Variants in RBFOX1 observed in about 807,000 individuals in gnomAD.
RBFOX1 encodes RNA binding fox-1 homolog 1, also known as RNA binding protein fox-1 homolog 1.
In RBFOX1, 8 loss-of-function variants were observed where a neutral mutation model predicts 57.7. The ratio of observed to expected loss-of-function variants is 0.14; its 90% confidence interval spans 0.08 to 0.25. The LOEUF is 0.25. Ranked by LOEUF, RBFOX1 falls within the 10% of genes least tolerant of loss-of-function variation. The probability of loss-of-function intolerance (pLI) is 1.00; values close to 1 mark genes in which losing one functional copy is unlikely to be tolerated. For synonymous variants in RBFOX1, 326 were observed against 222.4 expected (o/e 1.47, Z -4.15); for missense variants, 611 against 548.5 (o/e 1.11, Z -1.14).
rs569970880 is a variant in RBFOX1 at position 6,595,550 on chromosome 16, T to C, written c.-63-59053T>C. Among the ~76,000 whole-genome samples the C allele has an allele frequency of 2.6e-5, 4 of 152,266 alleles. No individual in the cohort carries two copies. In the South Asian group the frequency reaches 8.3e-4, roughly 32 times the overall value. ...GTACAAGTTTTTCTGTGTACTTACG[T>C]TTTTATTTCTCTTGGATATATACCT... On this transcript the variant is annotated intron_variant, in intron 2 of 15. Coordinates refer to ENST00000550418, the MANE Select transcript of RBFOX1 (RefSeq NM_018723.4).
chr16:7,589,912 GGTGTGTGT>G (rs3029164), intron 7 of RBFOX1, among the ~76,000 whole-genome samples: 2,159 of 135,042 alleles, frequency 0.016, 24 homozygotes, highest in African/African-American at 0.027. Context: ...GTGTGTGCTG[GGTGTGTGT>G]GTGTGTGTGT....
At chr16:7,368,484 A>T (rs932464287) in intron 4 of RBFOX1, among the ~76,000 whole-genome samples, 2 of 151,124 alleles carry the variant, frequency 1.3e-5, no homozygotes, top group Non-Finnish European at 3.0e-5. Flanking sequence ...AATTCACTTT[A>T]AAAAAAAATT....
intron 2 of RBFOX1, among the ~76,000 whole-genome samples, chr16:6,603,834 G>A (rs960443331): frequency 6.6e-6 from 1 of 152,100 alleles, no homozygotes; most frequent in Non-Finnish European, 1.5e-5. Flanking sequence ...TATAGACATA[G>A]ACAGTTGTCC....
At chr16:5,387,014 G>A (rs1047460699) in intron 1 of RBFOX1, among the ~76,000 whole-genome samples, 15 of 152,192 alleles carry the variant, frequency 9.9e-5, no homozygotes, top group African/African-American at 3.6e-4. Flanking sequence ...TTGTGCCATT[G>A]CACTCCAGCC....
At chr16:5,299,883 A>T (rs1407241999) in intron 1 of RBFOX1, among the ~76,000 whole-genome samples, 1 of 152,102 alleles carries the variant, frequency 6.6e-6, no homozygotes, top group Non-Finnish European at 1.5e-5. Flanking sequence ...TTAAGGGAAA[A>T]ACATTGTTTT....
chr16:6,441,146 G>T (rs892547829), intron 2 of RBFOX1, among the ~76,000 whole-genome samples: 1 of 152,138 alleles, frequency 6.6e-6, no homozygotes, highest in Non-Finnish European at 1.5e-5. Flanking sequence ...GAGGGAACAT[G>T]CCCTGGGGGG....
At chr16:7,109,603 C>T (rs530989030) in intron 4 of RBFOX1, among the ~76,000 whole-genome samples, 1 of 152,104 alleles carries the variant, frequency 6.6e-6, no homozygotes, top group Non-Finnish European at 1.5e-5. Flanking sequence ...CCAGGGATCA[C>T]AAGCCCAGTT....
chr16:6,542,483 C>CTGTTTTTTTTTT (rs2096834941), intron 2 of RBFOX1, among the ~76,000 whole-genome samples: 1 of 55,720 alleles, frequency 1.8e-5, no homozygotes, highest in Non-Finnish European at 3.0e-5. Flanking sequence ...GGACCATAGT[C>CTGTTTTTTTTTT]TTTTTTTTTT....
At chr16:6,266,272 C>T (rs532264270) in intron 1 of RBFOX1, among the ~76,000 whole-genome samples, 1 of 152,208 alleles carries the variant, frequency 6.6e-6, no homozygotes, top group Non-Finnish European at 1.5e-5. Flanking sequence ...TAAATCTTCA[C>T]TGCTGCAAGC....
chr16:6,864,989 CTTTTTCTTTTTTTTTTTTTTT>C (rs1339476639), intron 3 of RBFOX1, among the ~76,000 whole-genome samples: 1 of 105,802 alleles, frequency 9.5e-6, no homozygotes, highest in Non-Finnish European at 1.8e-5. Flanking sequence ...GTGGGTTTTT[CTTTTTCTTTTTTTTTTTTTTT>C]TTTTTTTTTG....
At chr16:6,853,859 T>C (rs1409388330) in intron 3 of RBFOX1, among the ~76,000 whole-genome samples, 4 of 152,142 alleles carry the variant, frequency 2.6e-5, no homozygotes, top group Non-Finnish European at 4.4e-5. Flanking sequence ...ATGATGAGTA[T>C]GGTAAATGGT....
rs542758388 is a variant in RBFOX1 at position 7,402,947 on chromosome 16, C to G, written c.28-115200C>G. ...AGGCTTGGAGGCAATTCTAGAAACA[C>G]TGCAGAAAATTTGCAGTTTCTCCTC... On this transcript the variant is annotated intron_variant, in intron 4 of 15. Transcript: ENST00000550418. 1.1e-4 allele frequency among the ~76,000 whole-genome samples: 16 copies of G among 152,294 alleles called. No homozygotes were observed. The East Asian group carries it at 3.1e-3, about 29-fold the overall frequency.
intron 2 of RBFOX1, chr16:6,483,828 A>T: frequency 7.7e-7 from 1 of 1,298,340 alleles, no homozygotes; most frequent in Non-Finnish European, 9.8e-7. Context: ...TGATTAGAAT[A>T]GGGGACTTGG....
At chr16:5,454,938 CCTTCCTTCCTTCCTTCCTTCCTTTCTTT>C (rs1323470090) in intron 1 of RBFOX1, among the ~76,000 whole-genome samples, 1,606 of 48,536 alleles carry the variant, frequency 0.033, 25 homozygotes, top group Non-Finnish European at 0.044. Flanking sequence ...TTCCTTCCTT[CCTTCCTTCCTTCCTTCCTTCCTTTCTTT>C]CTTTCTTTCT....
chr16:5,613,967 G>C (rs924478525), intron 3 of RBFOX1, among the ~76,000 whole-genome samples: 9 of 150,760 alleles, frequency 6.0e-5, no homozygotes, highest in Non-Finnish European at 1.0e-4. Context: ...CAGGGTCCCA[G>C]CTCTTTGACC....
chr16:5,401,871 C>T (rs528338574), intron 1 of RBFOX1, among the ~76,000 whole-genome samples: 2 of 152,064 alleles, frequency 1.3e-5, no homozygotes, highest in East Asian at 3.9e-4. Context: ...TCATCGTCGT[C>T]GTCATTTCTG....
intron 4 of RBFOX1, among the ~76,000 whole-genome samples, chr16:7,097,615 T>C (rs2061925739): frequency 3.3e-5 from 5 of 152,198 alleles, no homozygotes; most frequent in Admixed American, 3.3e-4. Flanking sequence ...CTGTTGCCAC[T>C]CATAATATGC....
At chr16:7,413,150 C>G (rs976844061) in intron 4 of RBFOX1, among the ~76,000 whole-genome samples, 3 of 152,284 alleles carry the variant, frequency 2.0e-5, no homozygotes, top group South Asian at 2.1e-4. Flanking sequence ...ATGTAGGTCA[C>G]AAGCCTCCCT....
chr16:5,554,248 G>A (rs901202616), intron 2 of RBFOX1, among the ~76,000 whole-genome samples: 13 of 152,088 alleles, frequency 8.5e-5, no homozygotes, highest in African/African-American at 2.9e-4. Context: ...TGGGATTACA[G>A]GCATGAGCCA....
Sources: allele counts gnomAD v4.1 joint callset (sites outside exome capture counted in the v4.1 genomes callset), GRCh38; gene constraint gnomAD v4.1.1; transcripts MANE v1.5; gene names NCBI Gene and HGNC (gene_info 2026-07-23, HGNC 2026-07-21).